The following SIK3 variants were observed in gnomAD, a reference collection of about 807,000 sequenced individuals.
SIK3 encodes the protein serine/threonine-protein kinase SIK3.
A neutral mutation model predicts 144.2 loss-of-function variants in SIK3; 28 were observed. That is an observed-to-expected ratio of 0.19 (90% CI 0.14 to 0.27). The LOEUF (loss-of-function observed/expected upper bound fraction) is 0.27. Ranked by LOEUF, SIK3 falls within the 10% of genes least tolerant of loss-of-function variation. SIK3 has a pLI of 1.00. For missense variants in SIK3, 1,319 were observed against 1,776.0 expected, an observed-to-expected ratio of 0.74 and a Z score of 4.62; for synonymous variants, 686 against 676.3, an observed-to-expected ratio of 1.01 and a Z score of -0.22.
At chr11:116,944,587 A>G (rs1565483510) in intron 3 of SIK3, among the ~76,000 whole-genome samples, 2 of 152,322 alleles carry the variant, frequency 1.3e-5, no homozygotes, top group East Asian at 3.9e-4. Flanking sequence ...CCAGGAGTGT[A>G]ACATATCTTG....
chr11:117,091,975 A>C (rs188454363), intron 1 of SIK3, among the ~76,000 whole-genome samples: 44 of 152,010 alleles, frequency 2.9e-4, no homozygotes, highest in African/African-American at 1.0e-3. Context: ...TAGAGATGGG[A>C]TCTCACTATG....
chr11:117,076,540 T>C (rs1954546213), intron 1 of SIK3, among the ~76,000 whole-genome samples: 1 of 152,080 alleles, frequency 6.6e-6, no homozygotes, highest in African/African-American at 2.4e-5. Context: ...AATTTTTTTT[T>C]TTTCGAGATG....
At chr11:116,982,470 A>G (rs905141403) in intron 1 of SIK3, among the ~76,000 whole-genome samples, 7 of 151,766 alleles carry the variant, frequency 4.6e-5, no homozygotes, top group Non-Finnish European at 1.0e-4. Flanking sequence ...TTGTATTTTT[A>G]GTGGAGACAG....
chr11:116,870,000 T>G (rs1943878668), intron 14 of SIK3: 1 of 801,418 alleles, frequency 1.2e-6, no homozygotes, highest in South Asian at 1.6e-5. Context: ...AAACAGTTCT[T>G]GGCAGGTACG....
intron 1 of SIK3, among the ~76,000 whole-genome samples, chr11:117,049,561 C>T (rs761064048): frequency 2.0e-5 from 3 of 151,648 alleles, no homozygotes; most frequent in Non-Finnish European, 4.4e-5. Flanking sequence ...CTAGGTGACA[C>T]AGCAAGGCTC....
intron 14 of SIK3, chr11:116,870,038 T>G: frequency 8.4e-7 from 1 of 1,196,462 alleles, no homozygotes. Flanking sequence ...GTGAATACTA[T>G]CAGAGTTGCA....
chr11:117,072,144 T>C (rs1375544206), intron 1 of SIK3, among the ~76,000 whole-genome samples: 1 of 152,006 alleles, frequency 6.6e-6, no homozygotes, highest in Non-Finnish European at 1.5e-5. Context: ...TCCCAGCACT[T>C]TGGGAGGCCA....
At chr11:117,037,868 G>A (rs1267809153) in intron 1 of SIK3, among the ~76,000 whole-genome samples, 1 of 152,184 alleles carries the variant, frequency 6.6e-6, no homozygotes, top group East Asian at 1.9e-4. Context: ...TCCTTGCCAA[G>A]AAACAAGTTA....
At chr11:117,061,658 T>A (rs1481562889) in intron 1 of SIK3, among the ~76,000 whole-genome samples, 1 of 152,188 alleles carries the variant, frequency 6.6e-6, no homozygotes, top group African/African-American at 2.4e-5. Context: ...AAATGCAGAC[T>A]CTCAGGCCAC....
At chr11:116,927,130 G>A in intron 4 of SIK3, 89 bp downstream of exon 4, 2 of 863,586 alleles carry the variant, frequency 2.3e-6, no homozygotes, top group African/African-American at 1.8e-5. Context: ...AGTTCTTTCT[G>A]AAGAGATGGA....
At chr11:116,865,594 A>G (rs1445705794) in intron 15 of SIK3, among the ~76,000 whole-genome samples, 2 of 152,200 alleles carry the variant, frequency 1.3e-5, no homozygotes, top group Non-Finnish European at 2.9e-5. Flanking sequence ...TGTTAGTTTA[A>G]AAAAATTTTT....
chr11:116,873,686 G>A (rs1944088932), intron 12 of SIK3, 50 bp from the exon 13 acceptor site: 1 of 1,516,868 alleles, frequency 6.6e-7, no homozygotes, highest in South Asian at 1.3e-5. Context: ...GGGGAAGGCG[G>A]GGAGAAAGGG....
chr11:116,883,498 T>C (rs1251183200), intron 6 of SIK3, among the ~76,000 whole-genome samples: 1 of 152,224 alleles, frequency 6.6e-6, no homozygotes, highest in Non-Finnish European at 1.5e-5. Flanking sequence ...TTCACTCTGC[T>C]TGTGGACTAA....
At chr11:117,092,786 T>C (rs1159138051) in intron 1 of SIK3, among the ~76,000 whole-genome samples, 1 of 152,220 alleles carries the variant, frequency 6.6e-6, no homozygotes, top group East Asian at 1.9e-4. Context: ...AAGCATCCAT[T>C]TTGTTCTCTT....
chr11:117,000,194 T>C (rs1462180195), intron 1 of SIK3, among the ~76,000 whole-genome samples: 1 of 152,222 alleles, frequency 6.6e-6, no homozygotes, highest in Non-Finnish European at 1.5e-5. Context: ...AAGGGGAAAG[T>C]ACAGTATGGA....
At chr11:117,037,752 A>G (rs961474927) in intron 1 of SIK3, among the ~76,000 whole-genome samples, 10 of 151,826 alleles carry the variant, frequency 6.6e-5, no homozygotes, top group Admixed American at 2.6e-4. Context: ...AACAGTTTCC[A>G]AGGCAGAAAA....
intron 3 of SIK3, among the ~76,000 whole-genome samples, chr11:116,945,380 CTTT>C (rs35915801): frequency 1.0e-4 from 10 of 95,378 alleles, no homozygotes; most frequent in African/African-American, 1.3e-4. Context: ...TTCATGAATT[CTTT>C]TTTTTTTTTT....
At chr11:116,853,763 A>G (rs1239859054) in intron 21 of SIK3, among the ~76,000 whole-genome samples, 1 of 152,232 alleles carries the variant, frequency 6.6e-6, no homozygotes, top group Non-Finnish European at 1.5e-5. Flanking sequence ...TCCAGTTGGT[A>G]ATCTCATGGT....
chr11:117,052,566 G>C (rs766272700), intron 1 of SIK3, among the ~76,000 whole-genome samples: 3 of 152,096 alleles, frequency 2.0e-5, no homozygotes, highest in Non-Finnish European at 4.4e-5. Context: ...TCTTCAGCAG[G>C]TTTATAAGAA....
Sources: allele counts gnomAD v4.1 joint callset (sites outside exome capture counted in the v4.1 genomes callset), GRCh38; gene constraint gnomAD v4.1.1; transcripts MANE v1.5; gene names NCBI Gene and HGNC (gene_info 2026-07-23, HGNC 2026-07-21).